ELOVL2: variants seen among roughly 807,000 people sequenced by gnomAD.
ELOVL2 encodes the protein very long chain fatty acid elongase 2.
A neutral mutation model predicts 37.7 loss-of-function variants in ELOVL2; 38 were observed. The observed-to-expected ratio is 1.01, with a 90% CI of 0.78 to 1.32. ELOVL2 has a LOEUF of 1.32. Ranked by LOEUF, ELOVL2 falls within the 40% of genes most tolerant of loss-of-function variation. The pLI is 0.00. For missense variants in ELOVL2, 352 were observed against 363.6 expected, an observed-to-expected ratio of 0.97 and a Z score of 0.26; for synonymous variants, 115 against 122.3, an observed-to-expected ratio of 0.94 and a Z score of 0.40.
intron 2 of ELOVL2, among the ~76,000 whole-genome samples, chr6:11,008,478 C>T (rs773724387): frequency 1.3e-5 from 2 of 152,164 alleles, no homozygotes; most frequent in Non-Finnish European, 2.9e-5. Flanking sequence ...TCTTGCATGC[C>T]TAAGCGAGAG....
At chr6:10,994,867 G>A (rs928109663) in intron 5 of ELOVL2, 140 bp downstream of exon 5, 15 of 627,586 alleles carry the variant, frequency 2.4e-5, no homozygotes, top group Non-Finnish European at 3.2e-5. Context: ...TGGCAGACAC[G>A]GGCATCCTGC....
At chr6:11,019,255 GCCTCAC>G (rs1782729529) in intron 1 of ELOVL2, among the ~76,000 whole-genome samples, 2 of 151,908 alleles carry the variant, frequency 1.3e-5, no homozygotes, top group South Asian at 4.2e-4. Flanking sequence ...CTTCATTTCA[GCCTCAC>G]CATCACATGC....
chr6:11,029,222 T>TAAAAA (rs1782883111), intron 1 of ELOVL2, among the ~76,000 whole-genome samples: 2 of 30,438 alleles, frequency 6.6e-5, no homozygotes, highest in East Asian at 2.3e-3. Flanking sequence ...GAGGGAGATC[T>TAAAAA]CAAAAAAAAA....
intron 1 of ELOVL2, among the ~76,000 whole-genome samples, chr6:11,033,806 A>T (rs1782969584): frequency 6.6e-6 from 1 of 152,198 alleles, no homozygotes. Context: ...ATCCATCATG[A>T]CAGGAATATG....
chr6:10,997,009 T>C (rs535008977), intron 4 of ELOVL2, among the ~76,000 whole-genome samples: 1 of 152,100 alleles, frequency 6.6e-6, no homozygotes, highest in Admixed American at 6.5e-5. Context: ...AAACTCTGTC[T>C]CAAAAAAAAG....
chr6:11,011,455 G>C (rs1782582814), intron 1 of ELOVL2, among the ~76,000 whole-genome samples: 1 of 152,018 alleles, frequency 6.6e-6, no homozygotes, highest in South Asian at 2.1e-4. Context: ...TGTTCCATAA[G>C]CAACTTCCCT....
At chr6:11,025,124 T>G (rs889190112) in intron 1 of ELOVL2, among the ~76,000 whole-genome samples, 48 of 152,288 alleles carry the variant, frequency 3.2e-4, no homozygotes, top group South Asian at 1.0e-3. Flanking sequence ...GCCACTGACC[T>G]CTAACACCAT....
rs1581858246 is a variant in ELOVL2 at position 10,989,957 on chromosome 6, A to G, written c.631-120T>C. On this transcript the variant is annotated intron_variant, in intron 6 of 7. Coordinates refer to ENST00000354666, the MANE Select transcript of ELOVL2 (RefSeq NM_017770.4). The stretch of plus-strand genomic sequence containing the variant: ...GGACTCTTGGAATTATGTAGGAACA[A>G]AACAAAGCTGCTGAAGCAGCCCCCT... 7 of 1,190,554 alleles carry G rather than the reference A, an allele frequency of 5.9e-6. No homozygotes were observed. The East Asian group carries it at 1.8e-4, about 31-fold the overall frequency. 73.7% of individuals were successfully genotyped at this position (1,190,554 alleles called of 1,614,324 possible). A position where few individuals can be genotyped will look rare whatever the true frequency, so the allele number is the denominator to read the frequency against.
chr6:11,028,401 G>A (rs1295226981), intron 1 of ELOVL2, among the ~76,000 whole-genome samples: 1 of 152,220 alleles, frequency 6.6e-6, no homozygotes. Flanking sequence ...AGACGCAGGT[G>A]TGGACAAACA....
At chr6:11,018,223 T>A (rs1782714149) in intron 1 of ELOVL2, among the ~76,000 whole-genome samples, 1 of 152,190 alleles carries the variant, frequency 6.6e-6, no homozygotes, top group Admixed American at 6.5e-5. Flanking sequence ...CATTACGGGA[T>A]CTTAGTGATC....
chr6:11,007,741 G>A (rs1235690581), intron 2 of ELOVL2, among the ~76,000 whole-genome samples: 1 of 152,164 alleles, frequency 6.6e-6, no homozygotes, highest in Non-Finnish European at 1.5e-5. Flanking sequence ...CATGCTCCAG[G>A]AGACAGCCAC....
At chr6:11,024,711 A>T (rs1782814853) in intron 1 of ELOVL2, among the ~76,000 whole-genome samples, 1 of 152,230 alleles carries the variant, frequency 6.6e-6, no homozygotes. Context: ...GCTCTATAGT[A>T]TTGTTGACCA....
Position 10,990,413 on chromosome 6 carries a change from T to C in ELOVL2, c.535A>G (p.Ile179Val), listed in dbSNP as rs1323270859. The C allele has an allele frequency of 6.2e-7, 1 of 1,610,094 alleles. No homozygotes were observed. The highest frequency in any genetic ancestry group is 1.7e-5 in the Admixed American group (1 of 59,264). Reference protein sequence around the residue: ...SFFGPTLNSFIHILMYSYYGL... With the variant: ...SFFGPTLNSFVHILMYSYYGL... Reference sequence around the variant, plus strand: ...TAGTAGGAGTACATAAGAATGTGGATAAAACTGTTCAGTGTTGGTCCAAAG... The same window carrying C: ...TAGTAGGAGTACATAAGAATGTGGACAAAACTGTTCAGTGTTGGTCCAAAG... Residue 179 changes from isoleucine (I) to valine (V), a missense_variant, in exon 6 of 8, where the codon ATC (isoleucine) becomes GTC (valine). Coordinates refer to ENST00000354666, the MANE Select transcript of ELOVL2 (RefSeq NM_017770.4).
At position 11,044,197 on chromosome 6, in the gene ELOVL2, G is replaced by A. The variant is rs750749357; in HGVS notation, c.3+31C>T. 6.9e-7 allele frequency: 1 copy of A among 1,453,990 alleles called. No homozygotes were observed. Among genetic ancestry groups the A allele is most frequent in the Non-Finnish European group, 9.1e-7 (1 of 1,101,830 alleles). 90.1% of individuals were successfully genotyped at this position (1,453,990 alleles called of 1,614,324 possible). Reference sequence around the variant, plus strand: ...GTCCAGGAGAGAAAGAAAGCGCGGCGGTGTCGGTGGCGGCGCGCGGCCCCA... The same window carrying A: ...GTCCAGGAGAGAAAGAAAGCGCGGCAGTGTCGGTGGCGGCGCGCGGCCCCA... On this transcript the variant is annotated intron_variant, in intron 1 of 7. Coordinates refer to ENST00000354666, the MANE Select transcript of ELOVL2 (RefSeq NM_017770.4). This position sits in a 1 kb window ranked among gnomAD's most constrained non-coding sequence, Gnocchi z 5.6.
intron 1 of ELOVL2, chr6:11,043,473 C>CACACACACACACACACACACACACA (rs1341764467): frequency 2.0e-5 from 3 of 152,748 alleles, no homozygotes; most frequent in African/African-American, 7.4e-5. Context: ...GGTGAACACA[C>CACACACACACACACACACACACACA]ACACACACAC....
intron 1 of ELOVL2, among the ~76,000 whole-genome samples, chr6:11,011,383 A>G (rs1418514989): frequency 6.6e-5 from 10 of 152,034 alleles, no homozygotes; most frequent in Admixed American, 5.9e-4. Context: ...AAAAAGAAAA[A>G]AAAACATTGA....
At chr6:10,989,672 T>G in intron 7 of ELOVL2, 31 bp downstream of exon 7, 1 of 1,602,784 alleles carries the variant, frequency 6.2e-7, no homozygotes, top group South Asian at 1.1e-5. Context: ...ATCGATTACA[T>G]TTTACTGCTG....
intron 3 of ELOVL2, among the ~76,000 whole-genome samples, chr6:11,002,572 A>C (rs1387978645): frequency 6.6e-6 from 1 of 152,202 alleles, no homozygotes; most frequent in African/African-American, 2.4e-5. Flanking sequence ...GTGATTTTAC[A>C]CCTATACAAA....
rs999572619 is a variant in ELOVL2, at chr6:10,998,509, T to A, written c.333+1578A>T. ...AAGGTAACAATAAGAGCTTTTACAA[T>A]CAGTATCATTTTAAACTCACAGTTT... is the stretch of plus-strand genomic sequence containing the variant. On this transcript the variant is annotated intron_variant, in intron 4 of 7. Coordinates refer to ENST00000354666, the MANE Select transcript of ELOVL2 (RefSeq NM_017770.4). Among the ~76,000 whole-genome samples the A allele has an allele frequency of 2.0e-5, 3 of 152,138 alleles. No individual in the cohort carries two copies. The East Asian group carries it at 5.8e-4, about 29-fold the overall frequency.
Sources: gnomAD v4.1 joint callset for allele counts (sites outside exome capture counted in the v4.1 genomes callset) on GRCh38, gnomAD v4.1.1 for gene constraint, Gnocchi (gnomAD v3.1) non-coding constraint, MANE v1.5 for transcripts, NCBI Gene and HGNC (gene_info 2026-07-23, HGNC 2026-07-21) for gene names.